Variants in ARPC5 observed in about 807,000 individuals in gnomAD.
ARPC5 encodes the protein actin related protein 2/3 complex subunit 5.
In ARPC5, 5 loss-of-function variants were observed where a neutral mutation model predicts 15.4. That is an observed-to-expected ratio of 0.32 (90% CI 0.17 to 0.68). The LOEUF (loss-of-function observed/expected upper bound fraction) is 0.68. ARPC5 is among the 30% of genes least tolerant of loss of function. The probability of loss-of-function intolerance (pLI) is 0.71; values close to 1 mark genes in which losing one functional copy is unlikely to be tolerated. For synonymous variants in ARPC5, 85 were observed against 72.2 expected (o/e 1.18, Z -0.90); for missense variants, 138 against 192.8 (o/e 0.72, Z 1.68).
rs1007855900 is a variant in ARPC5, at chr1:183,624,921, C to T, written c.*2611G>A. ...CACAGGAAATGCTTTAAAAAGAATT[C>T]GGTTAATTTGTACCATCTACACATT... On this transcript the variant is annotated 3_prime_UTR_variant, in exon 4 of 4. Transcript: ENST00000359856. 6.6e-6 allele frequency: 1 copy of T among 151,944 alleles called. No individual in the cohort carries two copies. The highest frequency in any genetic ancestry group is 1.5e-5 in the Non-Finnish European group (1 of 67,948). The allele number at this position is 151,944 out of a possible 1,614,324, so 9.4% of individuals were successfully genotyped here.
rs1336229061 is a variant in ARPC5, at chr1:183,625,349, G to GT, written c.*2182dup. On this transcript the variant is annotated 3_prime_UTR_variant, in exon 4 of 4. Transcript: ENST00000359856. Reference sequence around the variant, plus strand: ...TTATACTACTTGTTAAATATTTTTAGTATCTCCCCTCAGTAAAGCTGATAG... The same window carrying GT: ...TTATACTACTTGTTAAATATTTTTAGTTATCTCCCCTCAGTAAAGCTGATAG... The GT allele has an allele frequency of 2.6e-5, 4 of 152,062 alleles. No homozygotes were observed. The highest frequency in any genetic ancestry group is 9.7e-5 in the African/African-American group (4 of 41,390). The allele number at this position is 152,062 out of a possible 1,614,324, so 9.4% of individuals were successfully genotyped here.
intron 1 of ARPC5, 28 bp downstream of exon 1, chr1:183,635,489 G>C (rs976082437): frequency 1.3e-5 from 21 of 1,590,306 alleles, no homozygotes; most frequent in South Asian, 9.2e-5. Flanking sequence ...CTGGGCTGGG[G>C]TGGGGAGGGC....
At position 183,632,873 on chromosome 1, in the gene ARPC5, A is replaced by G. The variant is rs1399237674; in HGVS notation, c.216+209T>C. On this transcript the variant is annotated intron_variant, in intron 2 of 3. Coordinates refer to ENST00000359856, the MANE Select transcript of ARPC5 (RefSeq NM_005717.4). ...CACAAATGATTTCACTATCGTTTGA[A>G]CTTACTGTATCTTACCATGCAGCAT... is the stretch of plus-strand genomic sequence containing the variant. 4.5e-5 allele frequency: 18 copies of G among 398,686 alleles called. No homozygotes were observed. The East Asian group carries it at 7.6e-4, about 17-fold the overall frequency. 24.7% of individuals were successfully genotyped at this position (398,686 alleles called of 1,614,324 possible).
In ARPC5 at chr1:183,623,095, C is replaced by T. The variant is rs903341959; in HGVS notation, c.*4437G>A. ...ACTTCAGGGGGCCCATACAGTCTAG[C>T]AGCAAGGTCAAGAGGGTGTGTCTTG... On this transcript the variant is annotated 3_prime_UTR_variant, in exon 4 of 4. Coordinates refer to ENST00000359856, the MANE Select transcript of ARPC5 (RefSeq NM_005717.4). 10 of 294,162 alleles carry T rather than the reference C, an allele frequency of 3.4e-5. No homozygotes were observed. Among genetic ancestry groups the T allele is most frequent in the Admixed American group, 1.3e-4 (3 of 22,390 alleles). The allele number at this position is 294,162 out of a possible 1,614,324, so 18.2% of individuals were successfully genotyped here.
rs1649178413 is a variant in ARPC5, at chr1:183,628,580, C to A, written c.394-986G>T. Reference sequence around the variant, plus strand: ...TAGCATGAGGAGACAGACATATAAACAGGTAATTTTAATCTAATGTATGAA... The same window carrying A: ...TAGCATGAGGAGACAGACATATAAAAAGGTAATTTTAATCTAATGTATGAA... On this transcript the variant is annotated intron_variant, in intron 3 of 3. Transcript: ENST00000359856. Among the ~76,000 whole-genome samples the A allele has an allele frequency of 2.6e-5, 4 of 152,102 alleles. No homozygotes were observed. The South Asian group carries it at 8.3e-4, about 31-fold the overall frequency.
intron 1 of ARPC5, 52 bp downstream of exon 1, chr1:183,635,465 A>C: frequency 4.8e-6 from 7 of 1,445,142 alleles, no homozygotes; most frequent in Non-Finnish European, 6.5e-6. Flanking sequence ...GTCCCAGGAG[A>C]AGGGCGGGCT....
intron 3 of ARPC5, among the ~76,000 whole-genome samples, chr1:183,627,900 G>A (rs1277746040): frequency 3.9e-5 from 6 of 152,134 alleles, no homozygotes; most frequent in Admixed American, 1.3e-4. Flanking sequence ...TAGGCCGGGC[G>A]CGGTGGCTCA....
chr1:183,631,229 T>C (rs1361674625), intron 2 of ARPC5: 1 of 151,894 alleles, frequency 6.6e-6, no homozygotes, highest in African/African-American at 2.4e-5. Context: ...AATGTGATAA[T>C]TTAACAATTT....
intron 3 of ARPC5, 186 bp downstream of exon 3, chr1:183,630,275 G>A (rs1009952572): frequency 4.6e-6 from 2 of 433,502 alleles, no homozygotes; most frequent in Admixed American, 4.2e-5. Flanking sequence ...AAACACAAGT[G>A]TTGGAATCAG....
intron 3 of ARPC5, among the ~76,000 whole-genome samples, chr1:183,628,466 C>T (rs1376246333): frequency 6.6e-6 from 1 of 152,076 alleles, no homozygotes; most frequent in Non-Finnish European, 1.5e-5. Flanking sequence ...TCTTTCTGTT[C>T]AAAAAATATT....
rs1285757765 is a variant in ARPC5, at chr1:183,635,711, G to C, written c.-52C>G. Reference sequence around the variant, plus strand: ...TCTTCTTGGCGCTGCCTCTACCTCAGCAAGCCCAGCCCAGCAACCCACTAC... The same window carrying C: ...TCTTCTTGGCGCTGCCTCTACCTCACCAAGCCCAGCCCAGCAACCCACTAC... On this transcript the variant is annotated 5_prime_UTR_variant, in exon 1 of 4. Transcript: ENST00000359856. The C allele has an allele frequency of 1.3e-6, 2 of 1,582,690 alleles. No homozygotes were observed. Among genetic ancestry groups the C allele is most frequent in the Non-Finnish European group, 8.6e-7 (1 of 1,163,342 alleles).
Position 183,629,832 on chromosome 1 carries a change from A to G in ARPC5, c.393+629T>C, listed in dbSNP as rs143808683. The stretch of plus-strand genomic sequence containing the variant: ...TAGCCATCACCACTATCTGTTTCCA[A>G]AACTTTTTTACCACTCCAAGGAGGA... On this transcript the variant is annotated intron_variant, in intron 3 of 3. Transcript: ENST00000359856. 7.3e-4 allele frequency among the ~76,000 whole-genome samples: 111 copies of G among 152,310 alleles called. 1 individual carries two copies. Among genetic ancestry groups the G allele is most frequent in the African/African-American group, 2.5e-3 (106 of 41,574 alleles).
In ARPC5 at chr1:183,623,499, T is replaced by C. The variant is rs1248835452; in HGVS notation, c.*4033A>G. ...GCACAGAACGTTTTCACATTGGGGT[T>C]TTCACATATTGTACTAGTGACATTG... On this transcript the variant is annotated 3_prime_UTR_variant, in exon 4 of 4. Coordinates refer to ENST00000359856, the MANE Select transcript of ARPC5 (RefSeq NM_005717.4). 8 of 1,550,200 alleles carry C rather than the reference T, an allele frequency of 5.2e-6. No homozygotes were observed. Among genetic ancestry groups the C allele is most frequent in the Non-Finnish European group, 7.0e-6 (8 of 1,146,818 alleles).
chr1:183,628,041 C>T (rs1347503929), intron 3 of ARPC5, among the ~76,000 whole-genome samples: 9 of 151,814 alleles, frequency 5.9e-5, no homozygotes, highest in East Asian at 3.9e-4. Flanking sequence ...GGCGTGGTGG[C>T]GGGTGCCTGT....
chr1:183,633,344 A>G (rs2101958072), intron 1 of ARPC5, 190 bp from the exon 2 acceptor site: 1 of 445,828 alleles, frequency 2.2e-6, no homozygotes, highest in African/African-American at 2.1e-5. Context: ...ATAGAACATT[A>G]GACTTTTTTT....
In ARPC5 at chr1:183,633,107, A is replaced by G; in HGVS notation, c.191T>C (p.Ile64Thr). 6.2e-7 allele frequency: 1 copy of G among 1,605,474 alleles called. No individual in the cohort carries two copies. The highest frequency in any genetic ancestry group is 8.5e-7 in the Non-Finnish European group (1 of 1,176,486). Residue 64 changes from isoleucine (I) to threonine (T), a missense_variant, in exon 2 of 4, where the codon ATC becomes ACC. Around this residue, in one of 3 missense-constraint regions of ARPC5, gnomAD observed 121 missense variants for 153.7 expected, o/e 0.79. Transcript: ENST00000359856. ...CTTCACTGCCTGACTCTTGGTGTTGATAGGGGGGTTCTTCAGAGCTGCCTG... is the reference window on the plus strand; with the variant it reads ...CTTCACTGCCTGACTCTTGGTGTTGGTAGGGGGGTTCTTCAGAGCTGCCTG... Reference protein sequence around the residue: ...ALQAALKNPPINTKSQAVKDR... With the variant: ...ALQAALKNPPTNTKSQAVKDR...
chr1:183,627,640 C>T, intron 3 of ARPC5, 46 bp from the exon 4 acceptor site: 1 of 1,463,010 alleles, frequency 6.8e-7, no homozygotes, highest in African/African-American at 1.4e-5. Flanking sequence ...AATAAAAGGT[C>T]AATTCTCATA....
chr1:183,624,006 G>C lies in ARPC5; in HGVS notation c.*3526C>G, dbSNP rs1188879564. On this transcript the variant is annotated 3_prime_UTR_variant, in exon 4 of 4. Transcript: ENST00000359856. ...CCATTGCACTCCAGCCTGAGCAACA[G>C]AGCAAGACTCCATCTCAAAAAAAAA... 6.2e-6 allele frequency: 1 copy of C among 160,654 alleles called. No individual in the cohort carries two copies. Among genetic ancestry groups the C allele is most frequent in the Non-Finnish European group, 1.3e-5 (1 of 75,910 alleles). The allele number at this position is 160,654 out of a possible 1,614,324, so 10.0% of individuals were successfully genotyped here. A position where few individuals can be genotyped will look rare whatever the true frequency, so the allele number is the denominator to read the frequency against.
Position 183,632,956 on chromosome 1 carries a change from C to T in ARPC5, c.216+126G>A, listed in dbSNP as rs970946243. On this transcript the variant is annotated intron_variant, in intron 2 of 3. Coordinates refer to ENST00000359856, the MANE Select transcript of ARPC5 (RefSeq NM_005717.4). ...CGTGAAATTTTTACCTATCAAACTA[C>T]ATTATAAACTCTTCTATGTCAAAGA... 1.2e-5 allele frequency: 9 copies of T among 734,538 alleles called. 1 individual carries two copies. The Middle Eastern group carries it at 7.5e-4, about 61-fold the overall frequency. 45.5% of individuals were successfully genotyped at this position (734,538 alleles called of 1,614,324 possible). A position where few individuals can be genotyped will look rare whatever the true frequency, so the allele number is the denominator to read the frequency against.
Sources: allele counts gnomAD v4.1 joint callset (sites outside exome capture counted in the v4.1 genomes callset), GRCh38; gene constraint gnomAD v4.1.1; regional missense constraint gnomAD v4.1.1; transcripts MANE v1.5; gene names NCBI Gene and HGNC (gene_info 2026-07-23, HGNC 2026-07-21).